SUN1: variants seen among roughly 807,000 people sequenced by gnomAD.
The protein encoded by SUN1 is Sad1 and UNC84 domain containing 1, also known as SUN domain-containing protein 1.
SUN1 carries 61 observed loss-of-function variants against 103.2 expected under a neutral mutation model. The ratio of observed to expected loss-of-function variants is 0.59; its 90% CI spans 0.48 to 0.73. SUN1 has a LOEUF of 0.73. Ranked by LOEUF, SUN1 falls within the 30% of genes least tolerant of loss-of-function variation. The pLI is 0.00. For synonymous variants in SUN1, 490 were observed against 425.7 expected, an observed-to-expected ratio of 1.15 and a Z score of -1.86; for missense variants, 1,052 against 1,034.6, an observed-to-expected ratio of 1.02 and a Z score of -0.23.
chr7:863,819 C>T (rs966033391), intron 15 of SUN1, among the ~76,000 whole-genome samples: 2 of 152,160 alleles, frequency 1.3e-5, no homozygotes, highest in Non-Finnish European at 2.9e-5. Context: ...CTCTCTCTAG[C>T]AGTAGTGGGG....
At chr7:834,726 AC>A (rs1239525369) in intron 1 of SUN1, among the ~76,000 whole-genome samples, 1 of 152,182 alleles carries the variant, frequency 6.6e-6, no homozygotes, top group East Asian at 1.9e-4. Context: ...ATTTCAGTAA[AC>A]ACTGAAAGGA....
chr7:821,043 C>A (rs1052884975), intron 1 of SUN1, among the ~76,000 whole-genome samples: 2 of 151,390 alleles, frequency 1.3e-5, no homozygotes, highest in Non-Finnish European at 2.9e-5. Context: ...AAATGTATTG[C>A]TATTTTCTTT....
At chr7:850,146 A>G (rs1471153492) in intron 5 of SUN1, 1 of 967,144 alleles carries the variant, frequency 1.0e-6, no homozygotes, top group African/African-American at 1.6e-5. Context: ...AAAAACTGAC[A>G]GGAATAGTAT....
At chr7:847,487 C>A (rs1318816484) in intron 5 of SUN1, among the ~76,000 whole-genome samples, 1 of 108,692 alleles carries the variant, frequency 9.2e-6, no homozygotes, top group African/African-American at 3.5e-5. Flanking sequence ...TGGGGGTTAC[C>A]CCACAGCGCC....
chr7:862,795 C>T (rs1203354286), intron 15 of SUN1, among the ~76,000 whole-genome samples: 1 of 152,126 alleles, frequency 6.6e-6, no homozygotes, highest in Non-Finnish European at 1.5e-5. Context: ...AAAGATAATT[C>T]AGTGGTTTAG....
rs945032515 is a variant in SUN1 at position 852,327 on chromosome 7, G to A, written c.852-282G>A. On this transcript the variant is annotated intron_variant, in intron 7 of 18. Transcript: ENST00000401592. ...GGCTTCTGCCCTGCTGCAGTTCCCAGTGGCATCAGTCACCTCAGAAGGCTG... is the reference window on the plus strand; with the variant it reads ...GGCTTCTGCCCTGCTGCAGTTCCCAATGGCATCAGTCACCTCAGAAGGCTG... 8 of 596,158 alleles carry A rather than the reference G, an allele frequency of 1.3e-5. No individual in the cohort carries two copies. The East Asian group carries it at 1.4e-4, about 11-fold the overall frequency. 36.9% of individuals were successfully genotyped at this position (596,158 alleles called of 1,614,324 possible).
intron 1 of SUN1, chr7:817,272 T>C: frequency 1.4e-6 from 1 of 728,490 alleles, no homozygotes; most frequent in Non-Finnish European, 2.3e-6. Flanking sequence ...TAGTCGTATT[T>C]TTTGTAGGGT....
rs558976493 is a variant in SUN1, at chr7:843,425, G to T, written c.563G>T (p.Cys188Phe). ...TAHNGFSCSN[C>F]SMLSERKDVL... ...CACAACGGCTTCTCCTGCAGCAACT[G>T]CAGCATGCTGTCCGAGCGCAAGGAC... The change falls in exon 5 of 19, where the codon TGC (cysteine) becomes TTC (phenylalanine). Residue 188 changes from cysteine (C) to phenylalanine (F), a missense_variant. Cys to Phe is a radical substitution (Grantham distance 205, BLOSUM62 -2). Transcript: ENST00000401592. 1 of 1,614,000 alleles carries T rather than the reference G, an allele frequency of 6.2e-7. No homozygotes were observed. Among genetic ancestry groups the T allele is most frequent in the Non-Finnish European group, 8.5e-7 (1 of 1,179,920 alleles).
intron 1 of SUN1, among the ~76,000 whole-genome samples, chr7:835,823 C>G (rs1403604975): frequency 6.6e-6 from 1 of 152,226 alleles, no homozygotes; most frequent in Non-Finnish European, 1.5e-5. Flanking sequence ...TCCCGGAGCC[C>G]TCGGAACCAA....
At chr7:869,543 C>T (rs921402235) in intron 17 of SUN1, 27 bp downstream of exon 17, 6 of 1,603,680 alleles carry the variant, frequency 3.7e-6, no homozygotes, top group African/African-American at 2.7e-5. Context: ...GACCCTCCTC[C>T]TCCCACACCT....
chr7:835,197 G>A (rs1234112773), intron 1 of SUN1, among the ~76,000 whole-genome samples: 2 of 152,134 alleles, frequency 1.3e-5, no homozygotes, highest in Non-Finnish European at 2.9e-5. Context: ...CGGGTCTTCC[G>A]CCCCCACCCA....
chr7:861,506 C>T, intron 15 of SUN1, 42 bp downstream of exon 15: 2 of 1,603,822 alleles, frequency 1.2e-6, no homozygotes, highest in Non-Finnish European at 1.7e-6. Context: ...AGATGATCAC[C>T]TGTTAGCAGG....
chr7:819,942 A>C (rs1447027126), intron 1 of SUN1, among the ~76,000 whole-genome samples: 1 of 152,100 alleles, frequency 6.6e-6, no homozygotes, highest in South Asian at 2.1e-4. Context: ...TCCTGACCTC[A>C]TGATCTGCCC....
At chr7:863,225 C>T (rs1289576222) in intron 15 of SUN1, among the ~76,000 whole-genome samples, 1 of 151,536 alleles carries the variant, frequency 6.6e-6, no homozygotes, top group Non-Finnish European at 1.5e-5. Context: ...GAGTGCCGCC[C>T]TCCCGAGCTC....
chr7:829,951 T>C (rs10215977), upstream of SUN1, among the ~76,000 whole-genome samples: 5,500 of 152,386 alleles, frequency 0.036, 314 homozygotes, highest in African/African-American at 0.11. Context: ...CTGTCAGGCA[T>C]TGCCTGAGGT....
At chr7:843,176 A>ATGTG (rs201385879) in intron 3 of SUN1, 30 bp from the exon 4 acceptor site, 11 of 1,577,006 alleles carry the variant, frequency 7.0e-6, no homozygotes, top group African/African-American at 2.9e-5. Context: ...AACAGCAAAA[A>ATGTG]TGTGTGTGTG....
intron 16 of SUN1, among the ~76,000 whole-genome samples, chr7:866,940 T>C (rs1315775913): frequency 4.6e-5 from 7 of 152,232 alleles, no homozygotes; most frequent in Admixed American, 2.0e-4. Context: ...AGATTTATTT[T>C]GCCTCAATAC....
At chr7:870,188 G>C (rs1465835118) in intron 17 of SUN1, among the ~76,000 whole-genome samples, 1 of 138,270 alleles carries the variant, frequency 7.2e-6, no homozygotes, top group Non-Finnish European at 1.5e-5. Context: ...CTGGGCAACA[G>C]AGTGAGACCC....
Position 838,977 on chromosome 7 carries a change from G to T in SUN1, c.257G>T (p.Arg86Leu), listed in dbSNP as rs375668872. ...AGCAGCGCTGTCTCCCTGAAGAACC[G>T]AGCGGCCAGGTGAGCACCGCTGCAC... is the stretch of plus-strand genomic sequence containing the variant. ...GTSSAVSLKN[R>L]AARTTKQRRS... The change falls in exon 2 of 19, where the codon CGA becomes CTA. Residue 86 changes from arginine (R) to leucine (L), a missense_variant. By Grantham distance (102) the Arg-to-Leu change is moderately radical. Transcript: ENST00000401592. 3 of 1,584,970 alleles carry T rather than the reference G, an allele frequency of 1.9e-6. No individual in the cohort carries two copies. The highest frequency in any genetic ancestry group is 2.6e-6 in the Non-Finnish European group (3 of 1,167,062).
Sources: gnomAD v4.1 joint callset for allele counts (sites outside exome capture counted in the v4.1 genomes callset) on GRCh38, gnomAD v4.1.1 for gene constraint, MANE v1.5 for transcripts, NCBI Gene and HGNC (gene_info 2026-07-23, HGNC 2026-07-21) for gene names.